KCND2: variants seen among roughly 807,000 people sequenced by gnomAD.
KCND2 encodes the protein A-type voltage-gated potassium channel KCND2.
A neutral mutation model predicts 54.4 loss-of-function variants in KCND2; 16 were observed. That is an observed-to-expected ratio of 0.29 (90% CI 0.20 to 0.45). KCND2 has a LOEUF of 0.45. Ranked by LOEUF, KCND2 falls within the 20% of genes least tolerant of loss-of-function variation. The pLI is 1.00. For synonymous variants in KCND2, 317 were observed against 310.7 expected, an observed-to-expected ratio of 1.02 and a Z score of -0.21; for missense variants, 486 against 824.2, an observed-to-expected ratio of 0.59 and a Z score of 5.02.
At chr7:120,385,626 A>G (rs547629520) in intron 1 of KCND2, among the ~76,000 whole-genome samples, 1 of 152,304 alleles carries the variant, frequency 6.6e-6, no homozygotes, top group Admixed American at 6.5e-5. Flanking sequence ...GTAGATAAAC[A>G]GAAACAAAAA....
At chr7:120,579,548 G>A (rs1226120791) in intron 1 of KCND2, among the ~76,000 whole-genome samples, 1 of 151,290 alleles carries the variant, frequency 6.6e-6, no homozygotes, top group African/African-American at 2.4e-5. Flanking sequence ...GTTGCAGTGA[G>A]CCAAGATCGC....
chr7:120,546,693 G>A (rs764265812), intron 1 of KCND2, among the ~76,000 whole-genome samples: 5 of 151,852 alleles, frequency 3.3e-5, no homozygotes, highest in East Asian at 1.9e-4. Flanking sequence ...TTTAAATTAC[G>A]ATTTGGAGAG....
chr7:120,359,084 T>C (rs772216727), intron 1 of KCND2, among the ~76,000 whole-genome samples: 38 of 152,140 alleles, frequency 2.5e-4, no homozygotes, highest in Non-Finnish European at 4.4e-4. Context: ...TGTGCTTTAT[T>C]TTGGATTGAT....
At chr7:120,334,978 C>T (rs1282506098) in intron 1 of KCND2, among the ~76,000 whole-genome samples, 1 of 152,102 alleles carries the variant, frequency 6.6e-6, no homozygotes, top group Non-Finnish European at 1.5e-5. Context: ...GAGATGACAC[C>T]ATGAAGAGTA....
chr7:120,441,957 G>A (rs1801951031), intron 1 of KCND2, among the ~76,000 whole-genome samples: 1 of 151,930 alleles, frequency 6.6e-6, no homozygotes, highest in Non-Finnish European at 1.5e-5. Context: ...TTTCTTTTTG[G>A]TTAACTGACA....
At chr7:120,602,817 A>G (rs1445765451) in intron 1 of KCND2, among the ~76,000 whole-genome samples, 8 of 152,202 alleles carry the variant, frequency 5.3e-5, no homozygotes, top group Non-Finnish European at 1.2e-4. Flanking sequence ...TTCTTGAAAT[A>G]AAGTAGAGAA....
intron 1 of KCND2, among the ~76,000 whole-genome samples, chr7:120,362,358 A>C (rs536299198): frequency 1.3e-5 from 2 of 152,048 alleles, no homozygotes; most frequent in Non-Finnish European, 2.9e-5. Flanking sequence ...TCTGCTTGAC[A>C]TTTTATAAGC....
intron 1 of KCND2, among the ~76,000 whole-genome samples, chr7:120,533,698 C>T: frequency 6.6e-6 from 1 of 152,202 alleles, no homozygotes; most frequent in South Asian, 2.1e-4. Flanking sequence ...TTGCCTCTTC[C>T]TGCCCAGATC....
intron 1 of KCND2, among the ~76,000 whole-genome samples, chr7:120,555,244 A>T (rs1792149827): frequency 6.6e-6 from 1 of 152,156 alleles, no homozygotes; most frequent in South Asian, 2.1e-4. Flanking sequence ...GTTTGGGGTG[A>T]TTGTAACAGT....
At chr7:120,675,276 G>C (rs997115856) in intron 1 of KCND2, among the ~76,000 whole-genome samples, 2 of 151,890 alleles carry the variant, frequency 1.3e-5, no homozygotes, top group South Asian at 4.2e-4. Context: ...TCTGTCCCCC[G>C]AGCTGGAGTG....
chr7:120,450,390 A>G (rs181308632), intron 1 of KCND2, among the ~76,000 whole-genome samples: 31 of 152,316 alleles, frequency 2.0e-4, no homozygotes, highest in Non-Finnish European at 3.8e-4. Flanking sequence ...GCCTGGTGAC[A>G]GAGTGAGACT....
intron 1 of KCND2, among the ~76,000 whole-genome samples, chr7:120,420,353 A>T (rs1801594083): frequency 6.6e-6 from 1 of 152,242 alleles, no homozygotes; most frequent in Non-Finnish European, 1.5e-5. Context: ...CCAGTGGTTC[A>T]ATAGAACAGG....
chr7:120,448,199 G>A (rs1802047031), intron 1 of KCND2, among the ~76,000 whole-genome samples: 1 of 128,028 alleles, frequency 7.8e-6, no homozygotes, highest in African/African-American at 3.0e-5. Flanking sequence ...CCCACAACAG[G>A]CCCCAGTGTG....
At chr7:120,504,263 C>T (rs1463730109) in intron 1 of KCND2, among the ~76,000 whole-genome samples, 1 of 151,890 alleles carries the variant, frequency 6.6e-6, no homozygotes, top group Non-Finnish European at 1.5e-5. Flanking sequence ...TAGTTCAAAA[C>T]ATGCAATAAA....
At chr7:120,339,446 G>A (rs1463808716) in intron 1 of KCND2, among the ~76,000 whole-genome samples, 1 of 151,806 alleles carries the variant, frequency 6.6e-6, no homozygotes. Flanking sequence ...TTATCCTTTA[G>A]ATGTAGGCTG....
intron 1 of KCND2, among the ~76,000 whole-genome samples, chr7:120,460,494 T>G (rs973799431): frequency 1.3e-5 from 2 of 151,730 alleles, no homozygotes; most frequent in African/African-American, 4.8e-5. Context: ...AGTGTTATTC[T>G]CAGCCCCCAA....
intron 1 of KCND2, among the ~76,000 whole-genome samples, chr7:120,345,209 G>A (rs1436813449): frequency 2.0e-5 from 3 of 152,152 alleles, no homozygotes; most frequent in Non-Finnish European, 4.4e-5. Context: ...TGCCTAAAAT[G>A]TAGGATAACT....
chr7:120,369,811 G>A (rs1432887374), intron 1 of KCND2, among the ~76,000 whole-genome samples: 1 of 152,004 alleles, frequency 6.6e-6, no homozygotes, highest in Admixed American at 6.6e-5. Flanking sequence ...GTACCAGGCA[G>A]TACCTAGTTA....
At chr7:120,438,623 A>G (rs1012654626) in intron 1 of KCND2, among the ~76,000 whole-genome samples, 2 of 152,196 alleles carry the variant, frequency 1.3e-5, no homozygotes, top group African/African-American at 2.4e-5. Context: ...CTTCATGGTC[A>G]TAGTAATAAA....
Sources: allele counts gnomAD v4.1 joint callset (sites outside exome capture counted in the v4.1 genomes callset), GRCh38; gene constraint gnomAD v4.1.1; transcripts MANE v1.5; gene names NCBI Gene and HGNC (gene_info 2026-07-23, HGNC 2026-07-21).